The following SLIT3 variants were observed in gnomAD, a reference collection of about 807,000 sequenced individuals.
SLIT3 encodes slit guidance ligand 3.
In SLIT3, 68 loss-of-function variants were observed where a neutral mutation model predicts 184.0. That is an observed-to-expected ratio of 0.37 (90% CI 0.30 to 0.45). The LOEUF is 0.45. SLIT3 is among the 20% of genes least tolerant of loss of function. The pLI is 1.00. For synonymous variants in SLIT3, 831 were observed against 828.6 expected, an observed-to-expected ratio of 1.00 and a Z score of -0.05; for missense variants, 1,707 against 2,026.0, an observed-to-expected ratio of 0.84 and a Z score of 3.02.
At chr5:168,666,719 G>C (rs1048779467) in intron 35 of SLIT3, 30 bp from the exon 36 acceptor site, 1 of 1,613,746 alleles carries the variant, frequency 6.2e-7, no homozygotes, top group Non-Finnish European at 8.5e-7. Context: ...CAGGGCATTG[G>C]TGGTCTAGGT....
chr5:169,097,488 A>G (rs1329087517), intron 4 of SLIT3, among the ~76,000 whole-genome samples: 2 of 152,228 alleles, frequency 1.3e-5, no homozygotes, highest in African/African-American at 4.8e-5. Context: ...GGAGAGAAAA[A>G]AGAATCCCAC....
chr5:168,938,428 C>T (rs767393508), intron 4 of SLIT3, among the ~76,000 whole-genome samples: 1 of 152,168 alleles, frequency 6.6e-6, no homozygotes, highest in South Asian at 2.1e-4. Flanking sequence ...TAGCATATTG[C>T]CTGGTACTGA....
chr5:168,922,951 C>T (rs556222768), intron 4 of SLIT3, among the ~76,000 whole-genome samples: 14 of 152,192 alleles, frequency 9.2e-5, no homozygotes, highest in African/African-American at 2.4e-4. Context: ...ACATATGTAG[C>T]GAAAGTCTTA....
At chr5:168,986,249 TCCC>T in intron 4 of SLIT3, among the ~76,000 whole-genome samples, 1 of 152,230 alleles carries the variant, frequency 6.6e-6, no homozygotes, top group East Asian at 1.9e-4. Flanking sequence ...AAAATCACGA[TCCC>T]TATATGATAG....
chr5:168,709,283 A>G (rs1051680021), intron 25 of SLIT3, among the ~76,000 whole-genome samples: 21 of 151,912 alleles, frequency 1.4e-4, no homozygotes, highest in Admixed American at 2.0e-4. Context: ...TTTAGTAGAG[A>G]TGGGGTTTCC....
intron 1 of SLIT3, among the ~76,000 whole-genome samples, chr5:169,273,047 A>G (rs1766683907): frequency 6.6e-6 from 1 of 152,036 alleles, no homozygotes; most frequent in Non-Finnish European, 1.5e-5. Context: ...ACCGACACAC[A>G]TGGTGCCAAA....
chr5:168,945,251 T>TTC (rs1343603405), intron 4 of SLIT3, among the ~76,000 whole-genome samples: 4 of 151,872 alleles, frequency 2.6e-5, no homozygotes, highest in African/African-American at 9.7e-5. Context: ...TCCACATTTT[T>TTC]TTTTTTTTGA....
intron 3 of SLIT3, among the ~76,000 whole-genome samples, chr5:169,194,516 C>T (rs1763679912): frequency 6.6e-6 from 1 of 151,972 alleles, no homozygotes; most frequent in Non-Finnish European, 1.5e-5. Context: ...TTTAATATTA[C>T]ATTTTATAAC....
chr5:169,253,430 G>A (rs552882891), intron 1 of SLIT3, among the ~76,000 whole-genome samples: 166 of 152,256 alleles, frequency 1.1e-3, no homozygotes, highest in Non-Finnish European at 1.5e-3. Context: ...GACTGTCCCC[G>A]GCACAGAGTT....
chr5:168,973,809 A>C (rs1246134914), intron 4 of SLIT3, among the ~76,000 whole-genome samples: 1 of 152,190 alleles, frequency 6.6e-6, no homozygotes, highest in Non-Finnish European at 1.5e-5. Flanking sequence ...GTTAGGAAGA[A>C]TTGTTCTTAA....
At chr5:168,940,216 A>G (rs1425112074) in intron 4 of SLIT3, among the ~76,000 whole-genome samples, 2 of 152,222 alleles carry the variant, frequency 1.3e-5, no homozygotes, top group East Asian at 3.8e-4. Context: ...TTCATCTTGA[A>G]AAAGTATGAT....
chr5:168,787,433 C>A (rs1387537213), intron 11 of SLIT3, among the ~76,000 whole-genome samples: 3 of 152,170 alleles, frequency 2.0e-5, no homozygotes, highest in South Asian at 2.1e-4. Context: ...TCTGGGTGTA[C>A]CCCTGTCTGG....
intron 6 of SLIT3, among the ~76,000 whole-genome samples, chr5:168,838,166 T>A (rs1366065242): frequency 6.6e-6 from 1 of 152,204 alleles, no homozygotes; most frequent in African/African-American, 2.4e-5. Flanking sequence ...TAATTTTAAT[T>A]TTTATTTTTG....
At chr5:169,263,607 C>A in intron 1 of SLIT3, 1 of 482,310 alleles carries the variant, frequency 2.1e-6, no homozygotes, top group East Asian at 7.3e-5. Flanking sequence ...TACATTGTTA[C>A]AGCAGCCCTA....
At chr5:169,082,902 AAATGT>A (rs1759129538) in intron 4 of SLIT3, among the ~76,000 whole-genome samples, 1 of 152,240 alleles carries the variant, frequency 6.6e-6, no homozygotes, top group Non-Finnish European at 1.5e-5. Flanking sequence ...ACACATTGAC[AAATGT>A]CTTCTCAGCA....
intron 29 of SLIT3, among the ~76,000 whole-genome samples, chr5:168,687,709 A>G (rs1396647801): frequency 6.6e-6 from 1 of 152,244 alleles, no homozygotes; most frequent in East Asian, 1.9e-4. Context: ...TGGTTGCTTT[A>G]AAAATGATAT....
intron 4 of SLIT3, among the ~76,000 whole-genome samples, chr5:169,107,987 C>T (rs1203695173): frequency 2.6e-5 from 4 of 152,216 alleles, no homozygotes; most frequent in Non-Finnish European, 5.9e-5. Flanking sequence ...ATTCTTCACA[C>T]TCATTTTGAC....
At chr5:169,138,663 G>A (rs1051999028) in intron 4 of SLIT3, among the ~76,000 whole-genome samples, 3 of 152,210 alleles carry the variant, frequency 2.0e-5, no homozygotes, top group South Asian at 4.1e-4. Flanking sequence ...CTGTCCTGAC[G>A]TCTGGGATAG....
At chr5:168,758,690 G>A (rs907514906) in intron 16 of SLIT3, among the ~76,000 whole-genome samples, 4 of 152,172 alleles carry the variant, frequency 2.6e-5, no homozygotes, top group Non-Finnish European at 4.4e-5. Flanking sequence ...CTGCAGGCAG[G>A]GACGGAGGGA....
Sources: allele counts gnomAD v4.1 joint callset (sites outside exome capture counted in the v4.1 genomes callset), GRCh38; gene constraint gnomAD v4.1.1; transcripts MANE v1.5; gene names NCBI Gene and HGNC (gene_info 2026-07-23, HGNC 2026-07-21).